Variants in PITPNC1 observed in about 807,000 individuals in gnomAD.
PITPNC1 encodes the protein phosphatidylinositol transfer protein cytoplasmic 1.
A neutral mutation model predicts 44.7 loss-of-function variants in PITPNC1; 18 were observed. That is an observed-to-expected ratio of 0.40 (90% CI 0.28 to 0.60). The LOEUF is 0.60. PITPNC1 is among the 20% of genes least tolerant of loss of function. PITPNC1 has a pLI of 0.39. For synonymous variants in PITPNC1, 141 were observed against 149.6 expected (o/e 0.94, Z 0.42); for missense variants, 290 against 418.4 (o/e 0.69, Z 2.68).
Position 67,425,183 on chromosome 17 carries a change from T to TTG in PITPNC1, c.48+46984_48+46985dup, listed in dbSNP as rs1341858673. Among the ~76,000 whole-genome samples, 147 of 116,256 alleles carry TTG rather than the reference T, an allele frequency of 1.3e-3. 4 individuals are homozygous for TTG. Among genetic ancestry groups the TTG allele is most frequent in the Middle Eastern group, 4.2e-3 (1 of 236 alleles). The allele number at this position is 116,256 out of a possible 152,430, so 76.3% of individuals were successfully genotyped here. A position where few individuals can be genotyped will look rare whatever the true frequency, so the allele number is the denominator to read the frequency against. Reference sequence around the variant, plus strand: ...CACCCAGGTGAAATAAACAGCCATGTTGTGCGCGCGCACGCACACGCACAC... The same window carrying TTG: ...CACCCAGGTGAAATAAACAGCCATGTTGTGTGCGCGCGCACGCACACGCACAC... On this transcript the variant is annotated intron_variant, in intron 1 of 8. Transcript: ENST00000581322.
At chr17:67,661,213 G>C (rs537285976) in intron 6 of PITPNC1, among the ~76,000 whole-genome samples, 4 of 151,668 alleles carry the variant, frequency 2.6e-5, no homozygotes, top group African/African-American at 9.7e-5. Flanking sequence ...GGTGGTTTCC[G>C]GGTTGGTTTA....
At chr17:67,550,857 C>G (rs534353093) in intron 2 of PITPNC1, among the ~76,000 whole-genome samples, 12 of 152,180 alleles carry the variant, frequency 7.9e-5, no homozygotes, top group Admixed American at 6.5e-4. Flanking sequence ...GTCAGGAGAT[C>G]GAGACCATCC....
intron 1 of PITPNC1, among the ~76,000 whole-genome samples, chr17:67,410,488 A>T (rs570734749): frequency 6.6e-6 from 1 of 152,146 alleles, no homozygotes; most frequent in African/African-American, 2.4e-5. Context: ...ATCCCGAGTG[A>T]TCCTCCCACC....
intron 1 of PITPNC1, among the ~76,000 whole-genome samples, chr17:67,386,593 T>C (rs144020682): frequency 9.5e-4 from 144 of 152,260 alleles, no homozygotes; most frequent in Admixed American, 3.1e-3. Flanking sequence ...TCACAACGTT[T>C]TGGGTTTTTA....
chr17:67,561,408 A>G (rs1230806314), intron 4 of PITPNC1, among the ~76,000 whole-genome samples: 2 of 151,988 alleles, frequency 1.3e-5, no homozygotes, highest in East Asian at 3.9e-4. Flanking sequence ...ATGAGCCGAT[A>G]TCTCACCATT....
At chr17:67,687,153 T>C (rs2042831394) in intron 8 of PITPNC1, 1 of 1,602,586 alleles carries the variant, frequency 6.2e-7, no homozygotes, top group African/African-American at 1.3e-5. Flanking sequence ...TCCTCCCCTG[T>C]GGATGACATA....
intron 8 of PITPNC1, among the ~76,000 whole-genome samples, chr17:67,688,108 G>T (rs982456447): frequency 6.6e-6 from 1 of 151,350 alleles, no homozygotes; most frequent in South Asian, 2.1e-4. Context: ...GGAGGCCGAG[G>T]CAGGTGGATC....
chr17:67,625,207 A>G (rs987376053), intron 5 of PITPNC1, among the ~76,000 whole-genome samples: 8 of 152,178 alleles, frequency 5.3e-5, no homozygotes, highest in Admixed American at 5.2e-4. Context: ...AAAGACAGGA[A>G]CATTATTACA....
At chr17:67,382,412 A>G (rs1217052619) in intron 1 of PITPNC1, among the ~76,000 whole-genome samples, 2 of 151,984 alleles carry the variant, frequency 1.3e-5, no homozygotes, top group Non-Finnish European at 2.9e-5. Flanking sequence ...AATAAAAGTA[A>G]CATTCCATAG....
intron 1 of PITPNC1, among the ~76,000 whole-genome samples, chr17:67,529,387 C>G (rs145701294): frequency 6.0e-4 from 92 of 152,320 alleles, no homozygotes; most frequent in Middle Eastern, 6.8e-3. Flanking sequence ...AGCCCCTTAC[C>G]GAGGTCCTGG....
At chr17:67,590,809 C>T (rs899848254) in intron 5 of PITPNC1, among the ~76,000 whole-genome samples, 23 of 151,862 alleles carry the variant, frequency 1.5e-4, no homozygotes, top group African/African-American at 5.3e-4. Flanking sequence ...AAAGATTAGC[C>T]GGGCGTGGTG....
At chr17:67,664,934 T>C (rs2042401330) in intron 6 of PITPNC1, among the ~76,000 whole-genome samples, 1 of 151,968 alleles carries the variant, frequency 6.6e-6, no homozygotes, top group Non-Finnish European at 1.5e-5. Flanking sequence ...GAAGAAGACT[T>C]TGTTTCTTTG....
chr17:67,512,416 G>A (rs1473974951), intron 1 of PITPNC1, among the ~76,000 whole-genome samples: 4 of 150,180 alleles, frequency 2.7e-5, no homozygotes, highest in Non-Finnish European at 5.9e-5. Flanking sequence ...CAGGAGAATC[G>A]CTTGAACCTG....
intron 6 of PITPNC1, among the ~76,000 whole-genome samples, chr17:67,633,209 C>T (rs2041992307): frequency 6.6e-6 from 1 of 152,140 alleles, no homozygotes; most frequent in Non-Finnish European, 1.5e-5. Flanking sequence ...TGCCACCAAT[C>T]CCAATATGTT....
chr17:67,687,062 T>G (rs1452939578), intron 8 of PITPNC1: 1 of 1,565,576 alleles, frequency 6.4e-7, no homozygotes. Flanking sequence ...TTGACCTCTT[T>G]CAGATATGAC....
chr17:67,416,584 G>A (rs1460564276), intron 1 of PITPNC1, among the ~76,000 whole-genome samples: 3 of 152,062 alleles, frequency 2.0e-5, no homozygotes, highest in African/African-American at 4.8e-5. Flanking sequence ...CAGATGCAGC[G>A]TATTTCTGCC....
intron 5 of PITPNC1, among the ~76,000 whole-genome samples, chr17:67,611,097 T>C (rs2041681961): frequency 6.6e-6 from 1 of 152,186 alleles, no homozygotes; most frequent in Admixed American, 6.5e-5. Context: ...AACAGTTCAG[T>C]TCAACAACAG....
intron 8 of PITPNC1, among the ~76,000 whole-genome samples, chr17:67,682,375 G>A (rs1032728527): frequency 2.0e-5 from 3 of 152,168 alleles, no homozygotes; most frequent in Non-Finnish European, 4.4e-5. Flanking sequence ...TTGCCAAAGT[G>A]GAGCTGATGG....
chr17:67,485,595 C>T (rs1049229024), intron 1 of PITPNC1, among the ~76,000 whole-genome samples: 1 of 152,030 alleles, frequency 6.6e-6, no homozygotes, highest in African/African-American at 2.4e-5. Flanking sequence ...TATCCACCCA[C>T]CTCAGCCTCC....
Sources: allele counts gnomAD v4.1 joint callset (sites outside exome capture counted in the v4.1 genomes callset), GRCh38; gene constraint gnomAD v4.1.1; transcripts MANE v1.5; gene names NCBI Gene and HGNC (gene_info 2026-07-23, HGNC 2026-07-21).